Variants in HSPA12A observed in about 807,000 individuals in gnomAD.
The protein encoded by HSPA12A is heat shock protein family A (Hsp70) member 12A.
In HSPA12A, 28 loss-of-function variants were observed where a neutral mutation model predicts 69.2. The ratio of observed to expected loss-of-function variants is 0.40; its 90% confidence interval spans 0.30 to 0.55. HSPA12A has a LOEUF of 0.55. Ranked by LOEUF, HSPA12A falls within the 20% of genes least tolerant of loss-of-function variation. The pLI, the probability that HSPA12A is intolerant of heterozygous loss-of-function variation, is 0.38. For missense variants in HSPA12A, 686 were observed against 900.7 expected (o/e 0.76, Z 3.05); for synonymous variants, 345 against 370.5 (o/e 0.93, Z 0.79).
rs782283940 is a variant in HSPA12A at position 116,681,263 on chromosome 10, CA to C, written c.923-8del. 6.2e-7 allele frequency: 1 copy of C among 1,610,582 alleles called. No individual in the cohort carries two copies. The highest frequency in any genetic ancestry group is 8.5e-7 in the Non-Finnish European group (1 of 1,177,020). On this transcript the variant is annotated splice_region_variant and splice_polypyrimidine_tract_variant and intron_variant, in intron 8 of 11. Transcript: ENST00000369209. ...ACAACCACATACTTATCACCTGGCA[CA>C]AAAACAGCCATCTTTTACACAGACT...
chr10:116,693,369 C>T (rs569331213), intron 5 of HSPA12A, among the ~76,000 whole-genome samples: 1 of 152,280 alleles, frequency 6.6e-6, no homozygotes, highest in South Asian at 2.1e-4. Flanking sequence ...CAAAATATGT[C>T]GCTGGAGGAC....
At chr10:116,737,223 T>C (rs1851343900) in intron 1 of HSPA12A, among the ~76,000 whole-genome samples, 1 of 152,180 alleles carries the variant, frequency 6.6e-6, no homozygotes. Context: ...ATTTAACCAC[T>C]ACGCTTCCCA....
chr10:116,804,815 C>G (rs1042926699), intron 2 of HSPA12A, among the ~76,000 whole-genome samples: 1 of 152,160 alleles, frequency 6.6e-6, no homozygotes, highest in Non-Finnish European at 1.5e-5. Context: ...GATTGTGGGA[C>G]CTGTTTCCTT....
upstream of HSPA12A, among the ~76,000 whole-genome samples, chr10:116,745,073 A>G (rs1394888190): frequency 6.6e-6 from 1 of 152,148 alleles, no homozygotes; most frequent in Non-Finnish European, 1.5e-5. Context: ...ACATCCTTCA[A>G]GAGAATCAAT....
intron 1 of HSPA12A, among the ~76,000 whole-genome samples, chr10:116,711,049 T>A (rs995419063): frequency 2.6e-5 from 4 of 152,130 alleles, no homozygotes; most frequent in Admixed American, 2.6e-4. Context: ...TATGAATATC[T>A]GACAGATATA....
In HSPA12A at chr10:116,679,640, C is replaced by A. The variant is rs1849346336; in HGVS notation, c.1149G>T (p.Met383Ile). 1 of 1,614,248 alleles carries A rather than the reference C, an allele frequency of 6.2e-7. No individual in the cohort carries two copies. Among genetic ancestry groups the A allele is most frequent in the Middle Eastern group, 1.6e-4 (1 of 6,062 alleles). ...IKRPAAWVDL[M>I]IAFESRKRAA... Reference sequence around the variant, plus strand: ...CCCTTTTGCGAGACTCAAACGCAATCATTAAGTCAACCCAGGCTGCAGGGC... The same window carrying A: ...CCCTTTTGCGAGACTCAAACGCAATAATTAAGTCAACCCAGGCTGCAGGGC... Residue 383 changes from methionine to isoleucine, a missense_variant, in exon 10 of 12, where the codon ATG becomes ATT. Physicochemically the swap from Met to Ile is conservative, Grantham distance 10. Coordinates refer to ENST00000369209, the MANE Select transcript of HSPA12A (RefSeq NM_025015.3).
chr10:116,788,283 C>A (rs1451703898), intron 2 of HSPA12A, among the ~76,000 whole-genome samples: 1 of 152,142 alleles, frequency 6.6e-6, no homozygotes, highest in South Asian at 2.1e-4. Flanking sequence ...GGTCCATAGG[C>A]GGGCCCACGC....
In HSPA12A at chr10:116,692,371, T is replaced by C. The variant is rs1849762459; in HGVS notation, c.643A>G (p.Met215Val). ...CTCACCTGGTAGGCAGCTTGTCTCA[T>C]GAACTGCTTGGCCGGCTGCTTCCAG... ...AIWKQPAKQF[M>V]RQAAYQAGLA... Residue 215 changes from methionine (M) to valine (V), a missense_variant, in exon 6 of 12, where the codon ATG becomes GTG. Transcript: ENST00000369209. 6.2e-7 allele frequency: 1 copy of C among 1,614,006 alleles called. No homozygotes were observed. The highest frequency in any genetic ancestry group is 1.7e-5 in the Admixed American group (1 of 60,006).
intron 2 of HSPA12A, among the ~76,000 whole-genome samples, chr10:116,773,316 G>T (rs1844256220): frequency 6.6e-6 from 1 of 152,258 alleles, no homozygotes; most frequent in Non-Finnish European, 1.5e-5. Flanking sequence ...TAGCACAGAA[G>T]AAGGCCTGGT....
intron 2 of HSPA12A, among the ~76,000 whole-genome samples, chr10:116,755,200 G>A (rs530772216): frequency 1.5e-4 from 23 of 152,208 alleles, no homozygotes; most frequent in Middle Eastern, 3.4e-3. Context: ...TGATTCACTC[G>A]TCTTGGCCTC....
intron 3 of HSPA12A, among the ~76,000 whole-genome samples, chr10:116,702,194 A>C (rs1554881716): frequency 1.9e-4 from 29 of 152,150 alleles, no homozygotes; most frequent in Non-Finnish European, 1.3e-4. Context: ...AGGAAACTCA[A>C]TGTATTCGCT....
intron 2 of HSPA12A, among the ~76,000 whole-genome samples, chr10:116,818,688 C>T (rs2133194272): frequency 6.6e-6 from 1 of 152,294 alleles, no homozygotes; most frequent in Non-Finnish European, 1.5e-5. Context: ...CACACTGACA[C>T]AGTGGTCTGA....
chr10:116,829,427 G>GTACA (rs1214695297), intron 2 of HSPA12A: 1 of 152,332 alleles, frequency 6.6e-6, no homozygotes, highest in South Asian at 2.1e-4. Flanking sequence ...GCAGGAAGGG[G>GTACA]TAAGACAGCC....
At chr10:116,807,514 T>C (rs1235087497) in intron 2 of HSPA12A, among the ~76,000 whole-genome samples, 2 of 152,160 alleles carry the variant, frequency 1.3e-5, no homozygotes, top group Non-Finnish European at 2.9e-5. Context: ...AAGAGCCTGA[T>C]GAGCATGCTC....
At chr10:116,688,255 C>CT (rs1849635369) in intron 6 of HSPA12A, among the ~76,000 whole-genome samples, 1 of 152,170 alleles carries the variant, frequency 6.6e-6, no homozygotes, top group Admixed American at 6.5e-5. Flanking sequence ...TCCAGCCAGC[C>CT]TTTTTTCCTG....
intron 1 of HSPA12A, among the ~76,000 whole-genome samples, chr10:116,713,678 C>A (rs1285871121): frequency 4.6e-5 from 7 of 152,188 alleles, no homozygotes; most frequent in African/African-American, 1.7e-4. Context: ...TCTCTCCTAA[C>A]TGCAGGTTCA....
chr10:116,814,172 AT>A (rs1564828381), intron 2 of HSPA12A, among the ~76,000 whole-genome samples: 1 of 152,246 alleles, frequency 6.6e-6, no homozygotes, highest in African/African-American at 2.4e-5. Context: ...GAAAACTAGA[AT>A]AACTAAAATT....
intron 6 of HSPA12A, among the ~76,000 whole-genome samples, chr10:116,689,846 G>A (rs1471414446): frequency 2.0e-5 from 3 of 151,908 alleles, no homozygotes; most frequent in Admixed American, 6.6e-5. Flanking sequence ...CAGTCATGCA[G>A]GAGGAACTCC....
intron 1 of HSPA12A, among the ~76,000 whole-genome samples, chr10:116,736,968 C>T (rs1292326788): frequency 6.6e-6 from 1 of 152,142 alleles, no homozygotes; most frequent in Non-Finnish European, 1.5e-5. Context: ...ATAACAATAA[C>T]AGCCAATAAT....
Sources: gnomAD v4.1 joint callset for allele counts (sites outside exome capture counted in the v4.1 genomes callset) on GRCh38, gnomAD v4.1.1 for gene constraint, MANE v1.5 for transcripts, NCBI Gene and HGNC (gene_info 2026-07-23, HGNC 2026-07-21) for gene names.